Variants in GRID1 observed in about 807,000 individuals in gnomAD.
GRID1 encodes glutamate receptor ionotropic, delta-1.
In GRID1, 28 loss-of-function variants were observed where a neutral mutation model predicts 98.0. The ratio of observed to expected loss-of-function variants is 0.29; its 90% CI spans 0.21 to 0.39. The LOEUF is 0.39. GRID1 is among the 10% of genes least tolerant of loss of function. GRID1 has a pLI of 1.00. For missense variants in GRID1, 1,111 were observed against 1,340.5 expected (o/e 0.83, Z 2.67); for synonymous variants, 553 against 538.5 (o/e 1.03, Z -0.37).
chr10:85,863,986 T>G (rs932185096), intron 6 of GRID1, among the ~76,000 whole-genome samples: 2 of 152,186 alleles, frequency 1.3e-5, no homozygotes, highest in Non-Finnish European at 2.9e-5. Flanking sequence ...GCTGGAAGTG[T>G]GGAAAATGTT....
intron 5 of GRID1, among the ~76,000 whole-genome samples, chr10:85,883,308 T>G (rs1173335738): frequency 6.6e-6 from 1 of 152,202 alleles, no homozygotes; most frequent in Admixed American, 6.5e-5. Context: ...TTTTATTCCT[T>G]GCTCATATTT....
At chr10:85,603,752 G>T (rs950281616) in intron 15 of GRID1, among the ~76,000 whole-genome samples, 12 of 152,092 alleles carry the variant, frequency 7.9e-5, no homozygotes, top group Non-Finnish European at 2.9e-5. Flanking sequence ...GTGCTGATGC[G>T]CCAGGGAATG....
At chr10:85,987,553 C>T (rs555112889) in intron 4 of GRID1, among the ~76,000 whole-genome samples, 1 of 136,084 alleles carries the variant, frequency 7.3e-6, no homozygotes, top group Admixed American at 7.4e-5. Flanking sequence ...CCTTTCCCTG[C>T]CAGCCTTACC....
At chr10:85,946,906 C>G (rs1248354679) in intron 4 of GRID1, among the ~76,000 whole-genome samples, 2 of 152,182 alleles carry the variant, frequency 1.3e-5, no homozygotes, top group Non-Finnish European at 2.9e-5. Flanking sequence ...AGCACACAGT[C>G]ATAAGCTCCA....
intron 4 of GRID1, among the ~76,000 whole-genome samples, chr10:86,096,480 G>T (rs1359590641): frequency 6.6e-6 from 1 of 152,194 alleles, no homozygotes; most frequent in Non-Finnish European, 1.5e-5. Context: ...TTCCATCAGA[G>T]AAGTGGCAGC....
At chr10:86,204,312 T>G (rs2132017669) in intron 3 of GRID1, among the ~76,000 whole-genome samples, 1 of 152,294 alleles carries the variant, frequency 6.6e-6, no homozygotes, top group South Asian at 2.1e-4. Context: ...CCAGGCACCA[T>G]GCAGGCTGCA....
At chr10:85,772,946 A>T (rs1842288136) in intron 8 of GRID1, among the ~76,000 whole-genome samples, 1 of 152,186 alleles carries the variant, frequency 6.6e-6, no homozygotes, top group African/African-American at 2.4e-5. Flanking sequence ...CAATAGAAAA[A>T]GAGGGAATCC....
intron 4 of GRID1, among the ~76,000 whole-genome samples, chr10:86,082,944 G>A (rs1843998306): frequency 6.6e-6 from 1 of 152,204 alleles, no homozygotes; most frequent in Non-Finnish European, 1.5e-5. Context: ...CTGGGTTTCT[G>A]TTTCTATTCC....
chr10:86,075,487 C>A (rs1395361741), intron 4 of GRID1, among the ~76,000 whole-genome samples: 1 of 152,130 alleles, frequency 6.6e-6, no homozygotes, highest in African/African-American at 2.4e-5. Context: ...TCAGAAGGAA[C>A]CAATCCTGCC....
chr10:86,014,668 G>A (rs180932292), intron 4 of GRID1, among the ~76,000 whole-genome samples: 4 of 152,200 alleles, frequency 2.6e-5, no homozygotes, highest in East Asian at 1.9e-4. Flanking sequence ...ATCCAGAAGC[G>A]CACTGCCATA....
At chr10:86,038,543 T>G (rs909067595) in intron 4 of GRID1, among the ~76,000 whole-genome samples, 2 of 152,192 alleles carry the variant, frequency 1.3e-5, no homozygotes, top group Non-Finnish European at 2.9e-5. Flanking sequence ...CCCATTAGCT[T>G]TCAGGTGCTG....
chr10:85,651,512 T>G (rs1286702189), intron 12 of GRID1, among the ~76,000 whole-genome samples: 1 of 152,240 alleles, frequency 6.6e-6, no homozygotes, highest in Admixed American at 6.5e-5. Flanking sequence ...CCCAGTCTAC[T>G]GCCTTGTCAA....
chr10:86,081,169 C>T (rs958002828), intron 4 of GRID1, among the ~76,000 whole-genome samples: 4 of 152,092 alleles, frequency 2.6e-5, no homozygotes, highest in Non-Finnish European at 4.4e-5. Flanking sequence ...CTCATTCTGT[C>T]GCCCAGGCTG....
chr10:86,132,872 G>A (rs1011873166), intron 4 of GRID1, among the ~76,000 whole-genome samples: 2 of 152,242 alleles, frequency 1.3e-5, no homozygotes, highest in Admixed American at 6.5e-5. Context: ...TGCCTGGGAA[G>A]CCAATCTGGG....
At chr10:86,262,374 G>A (rs747831445) in intron 2 of GRID1, among the ~76,000 whole-genome samples, 22 of 152,310 alleles carry the variant, frequency 1.4e-4, no homozygotes, top group Non-Finnish European at 2.9e-4. Context: ...TGGGCACCCA[G>A]GAAGGGAGGC....
At chr10:86,022,824 C>T (rs1359419859) in intron 4 of GRID1, among the ~76,000 whole-genome samples, 5 of 150,422 alleles carry the variant, frequency 3.3e-5, no homozygotes, top group Non-Finnish European at 5.9e-5. Flanking sequence ...AGGCTGAGGT[C>T]GAAGAATTGC....
At chr10:85,647,157 T>A (rs772008226) in intron 13 of GRID1, 45 bp downstream of exon 13, 2 of 1,516,234 alleles carry the variant, frequency 1.3e-6, no homozygotes, top group East Asian at 2.3e-5. Context: ...GACCACCCCG[T>A]GGCCCTGTTA....
chr10:85,885,618 A>G (rs1192685873), intron 5 of GRID1, among the ~76,000 whole-genome samples: 1 of 152,240 alleles, frequency 6.6e-6, no homozygotes, highest in Admixed American at 6.5e-5. Context: ...AGATTCAGCT[A>G]TTTCTTCCTC....
At chr10:85,622,852 T>A (rs1842873059) in intron 13 of GRID1, among the ~76,000 whole-genome samples, 1 of 152,202 alleles carries the variant, frequency 6.6e-6, no homozygotes, top group Non-Finnish European at 1.5e-5. Flanking sequence ...ATTTGATATT[T>A]CTACTTAGAA....
Sources: gnomAD v4.1 joint callset for allele counts (sites outside exome capture counted in the v4.1 genomes callset) on GRCh38, gnomAD v4.1.1 for gene constraint, MANE v1.5 for transcripts, NCBI Gene and HGNC (gene_info 2026-07-23, HGNC 2026-07-21) for gene names.